Variants in HUWE1 observed in about 807,000 individuals in gnomAD.
HUWE1 encodes the protein HECT, UBA and WWE domain containing E3 ubiquitin protein ligase 1.
HUWE1 carries 18 observed loss-of-function variants against 299.4 expected under a neutral mutation model. That is an observed-to-expected ratio of 0.06 (90% confidence interval 0.04 to 0.09). HUWE1 has a LOEUF of 0.09. Among genes scored for constraint, HUWE1 ranks in the 10% least tolerant of loss-of-function variants. The pLI, the probability that HUWE1 is intolerant of heterozygous loss-of-function variation, is 1.00. For missense variants in HUWE1, 1,832 were observed against 3,462.3 expected, an observed-to-expected ratio of 0.53 and a Z score of 11.82; for synonymous variants, 1,317 against 1,286.1, an observed-to-expected ratio of 1.02 and a Z score of -0.51.
Position 53,623,799 on chromosome X carries a change from A to G in HUWE1, c.1672+796T>C, listed in dbSNP as rs183557194. On this transcript the variant is annotated intron_variant, in intron 19 of 83. Transcript: ENST00000262854. ...CAAGGTTAATATACAAAAATCCTAA[A>G]TTTCTTCAGCAAGGGGGCAAGGAAG... 1.7e-3 allele frequency among the ~76,000 whole-genome samples: 190 copies of G among 112,220 alleles called. 2 individuals carry two copies. The highest frequency in any genetic ancestry group is 6.0e-3 in the African/African-American group (184 of 30,880).
chrX:53,575,245 G>A (rs2063042247), intron 45 of HUWE1, 24 bp from the exon 46 acceptor site: 1 of 1,144,639 alleles, frequency 8.7e-7, no homozygotes, highest in East Asian at 3.0e-5. Flanking sequence ...AAACTCCTGA[G>A]CTATTATGAA....
chrX:53,683,689 C>T (rs1424531593), intron 2 of HUWE1, among the ~76,000 whole-genome samples: 1 of 112,484 alleles, frequency 8.9e-6, no homozygotes, highest in African/African-American at 3.2e-5. Flanking sequence ...TCTAGTTTAC[C>T]GGCACCCCGG....
intron 33 of HUWE1, 116 bp from the exon 34 acceptor site, chrX:53,591,238 G>C (rs2064141670): frequency 5.0e-6 from 4 of 803,056 alleles, no homozygotes; most frequent in Admixed American, 5.3e-5. Flanking sequence ...TGGGCTGAGA[G>C]CATTTATGAG....
chrX:53,589,463 T>C (rs2064038739), intron 36 of HUWE1, 84 bp downstream of exon 36: 14 of 906,107 alleles, frequency 1.5e-5, no homozygotes, highest in Non-Finnish European at 2.1e-5. Flanking sequence ...AATGAAAATA[T>C]GCTGATTTTT....
At chrX:53,578,954 C>A (rs1281336548) in intron 43 of HUWE1, among the ~76,000 whole-genome samples, 21 of 67,971 alleles carry the variant, frequency 3.1e-4, no homozygotes, top group African/African-American at 1.1e-3. Context: ...AGGTGAGGGG[C>A]GCCTCTGCCC....
At chrX:53,580,060 G>A (rs1364081730) in intron 43 of HUWE1, among the ~76,000 whole-genome samples, 1 of 111,210 alleles carries the variant, frequency 9.0e-6, no homozygotes. Flanking sequence ...ATTACCAAGT[G>A]ACTACTCCTA....
intron 7 of HUWE1, among the ~76,000 whole-genome samples, chrX:53,635,176 G>A (rs1425863906): frequency 1.8e-5 from 2 of 109,461 alleles, no homozygotes; most frequent in Non-Finnish European, 3.8e-5. Context: ...TCAAACTGAA[G>A]AGATTTTTAT....
intron 2 of HUWE1, among the ~76,000 whole-genome samples, 187 bp from the exon 3 acceptor site, chrX:53,680,373 C>A (rs1557052683): frequency 8.9e-6 from 1 of 112,176 alleles, no homozygotes; most frequent in East Asian, 2.8e-4. Flanking sequence ...TCAGAACCAA[C>A]AACTCTAATA....
intron 25 of HUWE1, 122 bp downstream of exon 25, chrX:53,607,401 A>G (rs1001807633): frequency 6.8e-6 from 4 of 591,543 alleles, no homozygotes; most frequent in Middle Eastern, 3.2e-4. Flanking sequence ...CTTATACAAC[A>G]TAACACAAAT....
At chrX:53,686,443 G>C (rs1291657067) in intron 1 of HUWE1, 75 bp from the exon 2 acceptor site, 1 of 112,766 alleles carries the variant, frequency 8.9e-6, no homozygotes, top group Non-Finnish European at 1.9e-5. Flanking sequence ...AGCCTTTCCC[G>C]CAGGCTCCCC....
At position 53,554,694 on chromosome X, in the gene HUWE1, G is replaced by C; in HGVS notation, c.8433C>G (p.Pro2811=). 3 of 1,211,159 alleles carry C rather than the reference G, an allele frequency of 2.5e-6. No individual in the cohort carries two copies. Among genetic ancestry groups the C allele is most frequent in the Non-Finnish European group, 3.4e-6 (3 of 895,247 alleles). ...TTTCTGCTTCCCCACTTGGCCTTGT[G>C]GGACCCAATTCCTCTGGCTCTACAG... ...LMPVEPEELG[P]TRPSGEAETT... The change falls in exon 61 of 84, where the codon CCC becomes CCG. Residue 2811 remains proline, a synonymous_variant. Coordinates refer to ENST00000262854, the MANE Select transcript of HUWE1 (RefSeq NM_031407.7).
chrX:53,581,393 G>C (rs1556967619), intron 42 of HUWE1, among the ~76,000 whole-genome samples: 2 of 112,177 alleles, frequency 1.8e-5, no homozygotes, highest in Non-Finnish European at 3.8e-5. Context: ...TTAGTGTACA[G>C]GAACACAATT....
chrX:53,644,473 T>C (rs782339096), intron 7 of HUWE1, among the ~76,000 whole-genome samples: 1 of 111,813 alleles, frequency 8.9e-6, no homozygotes, highest in Non-Finnish European at 1.9e-5. Flanking sequence ...AGAAAACAGG[T>C]CACATGCATG....
intron 19 of HUWE1, among the ~76,000 whole-genome samples, chrX:53,621,562 GGTAACTGCCCTT>G (rs1361031151): frequency 3.5e-4 from 37 of 106,067 alleles, no homozygotes; most frequent in African/African-American, 9.7e-4. Flanking sequence ...CCCTCAAGAT[GGTAACTGCCCTT>G]GTAACTGCCC....
intron 49 of HUWE1, among the ~76,000 whole-genome samples, chrX:53,565,771 A>AGCC: frequency 9.1e-6 from 1 of 110,043 alleles, no homozygotes; most frequent in East Asian, 2.8e-4. Flanking sequence ...CGCTGGGACT[A>AGCC]CAGGCGTGAG....
intron 78 of HUWE1, among the ~76,000 whole-genome samples, chrX:53,536,997 G>C (rs2061093520): frequency 8.9e-6 from 1 of 112,271 alleles, no homozygotes; most frequent in African/African-American, 3.2e-5. Flanking sequence ...TAAGCCCAGA[G>C]TCCAAATTCT....
At chrX:53,564,443 T>C in intron 51 of HUWE1, 131 bp downstream of exon 51, 1 of 726,958 alleles carries the variant, frequency 1.4e-6, no homozygotes. Flanking sequence ...CTACTAAGCA[T>C]ATCACCCATG....
intron 43 of HUWE1, 60 bp from the exon 44 acceptor site, chrX:53,577,127 CTAA>C: frequency 1.1e-6 from 1 of 878,029 alleles, no homozygotes; most frequent in Non-Finnish European, 1.7e-6. Flanking sequence ...AACTAGGTTA[CTAA>C]TAAAGACTCA....
At position 53,603,414 on chromosome X, in the gene HUWE1, G is replaced by A; in HGVS notation, c.2830C>T (p.Leu944=). 1.7e-6 allele frequency: 2 copies of A among 1,208,227 alleles called. No individual in the cohort carries two copies. Among genetic ancestry groups the A allele is most frequent in the Admixed American group, 4.3e-5 (2 of 46,007 alleles). Residue 944 remains leucine (L), a synonymous_variant, in exon 27 of 84, where the codon CTG becomes TTG. Transcript: ENST00000262854. ...LSKLSQLYCS[L]VWESTVLLSL... Reference sequence around the variant, plus strand: ...AGGAGGACAGTGCTTTCCCACACCAGGGAACAGTATAACTGGCTCAGCTTG... The same window carrying A: ...AGGAGGACAGTGCTTTCCCACACCAAGGAACAGTATAACTGGCTCAGCTTG...
Sources: gnomAD v4.1 joint callset for allele counts (sites outside exome capture counted in the v4.1 genomes callset) on GRCh38, gnomAD v4.1.1 for gene constraint, MANE v1.5 for transcripts, NCBI Gene and HGNC (gene_info 2026-07-23, HGNC 2026-07-21) for gene names.